The following DDX19B variants were observed in gnomAD, a reference collection of about 807,000 sequenced individuals.
DDX19B encodes the protein ATP-dependent RNA helicase DDX19B.
Under a neutral mutation model 58.1 loss-of-function variants are expected in DDX19B, and 27 were observed. The observed-to-expected ratio is 0.46, with a 90% confidence interval of 0.34 to 0.64. DDX19B has a LOEUF of 0.64. Among genes scored for constraint, DDX19B ranks in the 30% least tolerant of loss-of-function variants. DDX19B has a pLI of 0.01. For missense variants in DDX19B, 399 were observed against 596.5 expected, an observed-to-expected ratio of 0.67 and a Z score of 3.45; for synonymous variants, 187 against 214.4, an observed-to-expected ratio of 0.87 and a Z score of 1.12.
intron 1 of DDX19B, among the ~76,000 whole-genome samples, chr16:70,308,255 T>C (rs1250360071): frequency 6.7e-6 from 1 of 148,892 alleles, no homozygotes; most frequent in African/African-American, 2.5e-5. Context: ...ACCCGGTCTA[T>C]TTATTTATTT....
intron 1 of DDX19B, among the ~76,000 whole-genome samples, chr16:70,307,436 C>T (rs1961815017): frequency 1.3e-5 from 2 of 152,018 alleles, no homozygotes; most frequent in African/African-American, 4.8e-5. Context: ...CATCTCGGCT[C>T]ACTGCAACCT....
chr16:70,327,090 T>A lies in DDX19B; in HGVS notation c.607+1402T>A, dbSNP rs191518756. Among the ~76,000 whole-genome samples the A allele has an allele frequency of 5.1e-3, 778 of 151,872 alleles. 4 individuals carry two copies. The highest frequency in any genetic ancestry group is 7.8e-3 in the Non-Finnish European group (529 of 67,916). On this transcript the variant is annotated intron_variant, in intron 7 of 11. Transcript: ENST00000288071. ...ACCTCGTGATCCTCCCGCCTTGGCCTCCCAAAGTGCTGGGATTACAGGCGT... is the reference window on the plus strand; with the variant it reads ...ACCTCGTGATCCTCCCGCCTTGGCCACCCAAAGTGCTGGGATTACAGGCGT...
chr16:70,294,886 G>C (rs1478705566), upstream of DDX19B: 17 of 1,526,824 alleles, frequency 1.1e-5, no homozygotes, highest in Admixed American at 3.3e-4. Context: ...CGCGCCCTGC[G>C]GCGGTTTCCC....
rs1481673071 is a variant in DDX19B at position 70,335,061 on chromosome 16, G to A, written c.*1479G>A. Reference sequence around the variant, plus strand: ...GGAAGGGGCCAATGTCAGCCTCCAGGTGATTTCTTTAATCTGACATTACAA... The same window carrying A: ...GGAAGGGGCCAATGTCAGCCTCCAGATGATTTCTTTAATCTGACATTACAA... On this transcript the variant is annotated 3_prime_UTR_variant, in exon 12 of 12. Coordinates refer to ENST00000288071, the MANE Select transcript of DDX19B (RefSeq NM_007242.7). 1.3e-5 allele frequency: 2 copies of A among 152,182 alleles called. No individual in the cohort carries two copies. The highest frequency in any genetic ancestry group is 2.9e-5 in the Non-Finnish European group (2 of 68,068). The allele number at this position is 152,182 out of a possible 1,614,324, so 9.4% of individuals were successfully genotyped here.
rs1963098515 is a variant in DDX19B, at chr16:70,325,573, GTGTCTA to G, written c.498_503del (p.Cys167_Leu168del). 1.1e-5 allele frequency: 18 copies of G among 1,607,902 alleles called. No individual in the cohort carries two copies. Among genetic ancestry groups the G allele is most frequent in the Non-Finnish European group, 1.5e-5 (18 of 1,176,652 alleles). On this transcript the variant is annotated inframe_deletion and splice_region_variant, in exon 7 of 12. Coordinates refer to ENST00000288071, the MANE Select transcript of DDX19B (RefSeq NM_007242.7). ...TGCACTCTGCATTCTTTTCCTGCCA[GTGTCTA>G]TGTCTCTCCCCAACGTATGAGCTCG...
Position 70,299,323 on chromosome 16 carries a change from C to T in DDX19B, c.26C>T (p.Ala9Val), listed in dbSNP as rs556766234. The T allele has an allele frequency of 1.9e-6, 3 of 1,607,300 alleles. No homozygotes were observed. Among genetic ancestry groups the T allele is most frequent in the Non-Finnish European group, 2.5e-6 (3 of 1,177,390 alleles). MATDSWAL[A>V]VDEQEAAAES... ...ATGGCCACTGACTCATGGGCCCTGG[C>T]GGTGGACGAGCAGGAAGCTGCGGCT... The change falls in exon 1 of 12, where the codon GCG becomes GTG. Residue 9 changes from alanine to valine, a missense_variant. Coordinates refer to ENST00000288071, the MANE Select transcript of DDX19B (RefSeq NM_007242.7).
Position 70,317,502 on chromosome 16 carries a change from A to G in DDX19B, c.303A>G (p.Pro101=), listed in dbSNP as rs747813125. Residue 101 remains proline (P), a synonymous_variant, in exon 5 of 12, where the codon CCA becomes CCG. Transcript: ENST00000288071. The part of the protein sequence containing the change: ...VKSFEELRLK[P]QLLQGVYAMG... ...TCTTTAACTGTTTTTCTAGGAAACC[A>G]CAGCTTCTCCAAGGAGTCTATGCCA... The G allele has an allele frequency of 6.8e-6, 11 of 1,611,560 alleles. No individual in the cohort carries two copies. Among genetic ancestry groups the G allele is most frequent in the Non-Finnish European group, 9.3e-6 (11 of 1,178,926 alleles).
chr16:70,313,805 A>C (rs898587725), intron 2 of DDX19B, among the ~76,000 whole-genome samples: 8 of 152,132 alleles, frequency 5.3e-5, no homozygotes, highest in Admixed American at 6.6e-5. Context: ...TTCGACTATA[A>C]ATTTATATTA....
chr16:70,328,710 A>C (rs1179191829), intron 7 of DDX19B, among the ~76,000 whole-genome samples: 1 of 152,042 alleles, frequency 6.6e-6, no homozygotes, highest in Non-Finnish European at 1.5e-5. Flanking sequence ...TGTAGTCACC[A>C]CATTGTGCTA....
chr16:70,319,160 T>A (rs916444437), intron 5 of DDX19B, among the ~76,000 whole-genome samples: 2 of 152,206 alleles, frequency 1.3e-5, no homozygotes, highest in African/African-American at 2.4e-5. Context: ...CTGTGTTTTT[T>A]AATTATATGA....
chr16:70,312,420 ATT>A (rs1252409327), intron 1 of DDX19B, among the ~76,000 whole-genome samples, 187 bp from the exon 2 acceptor site: 1 of 152,146 alleles, frequency 6.6e-6, no homozygotes, highest in African/African-American at 2.4e-5. Flanking sequence ...CCACCGATGT[ATT>A]TACGGGAAAT....
At position 70,333,790 on chromosome 16, in the gene DDX19B, A is replaced by G; in HGVS notation, c.*208A>G. The G allele has an allele frequency of 1.4e-6, 1 of 698,080 alleles. No individual in the cohort carries two copies. Among genetic ancestry groups the G allele is most frequent in the Non-Finnish European group, 2.4e-6 (1 of 411,306 alleles). The allele number at this position is 698,080 out of a possible 1,614,324, so 43.2% of individuals were successfully genotyped here. On this transcript the variant is annotated 3_prime_UTR_variant, in exon 12 of 12. Transcript: ENST00000288071. ...AAAAAAATTATTTACACAACCTTGG[A>G]AGATTAGGCATGAATACACAGAGAT... is the stretch of plus-strand genomic sequence containing the variant.
chr16:70,299,439 A>G, intron 1 of DDX19B, 85 bp downstream of exon 1: 2 of 1,445,892 alleles, frequency 1.4e-6, no homozygotes, highest in Non-Finnish European at 1.9e-6. Flanking sequence ...TCCCAGGTTG[A>G]TTAGAGGCTG....
chr16:70,322,231 A>T (rs1366223261), intron 5 of DDX19B, among the ~76,000 whole-genome samples: 3 of 152,094 alleles, frequency 2.0e-5, no homozygotes, highest in Non-Finnish European at 4.4e-5. Flanking sequence ...CTTTATTCTA[A>T]CTACAAGGGG....
At chr16:70,294,924 A>G, upstream of DDX19B, 2 of 1,520,632 alleles carry the variant, frequency 1.3e-6, no homozygotes. Context: ...CGACGTGAGT[A>G]TCTGCGAGGG....
chr16:70,303,382 C>A (rs1049166824), intron 1 of DDX19B, among the ~76,000 whole-genome samples: 1 of 152,142 alleles, frequency 6.6e-6, no homozygotes. Flanking sequence ...CACCTGGGTT[C>A]AAGCAATCCG....
In DDX19B at chr16:70,329,828, C is replaced by T; in HGVS notation, c.786-3C>T. On this transcript the variant is annotated splice_polypyrimidine_tract_variant and splice_region_variant and intron_variant, in intron 8 of 11. Transcript: ENST00000288071. Reference sequence around the variant, plus strand: ...GGCCACCTACCAGGGCCTTCCCTTGCAGGATGCTGCCCAGGAACTGCCAGA... The same window carrying T: ...GGCCACCTACCAGGGCCTTCCCTTGTAGGATGCTGCCCAGGAACTGCCAGA... 1.2e-6 allele frequency: 2 copies of T among 1,614,120 alleles called. No homozygotes were observed. The highest frequency in any genetic ancestry group is 3.3e-5 in the Admixed American group (2 of 60,016).
At chr16:70,320,289 A>G (rs965707143) in intron 5 of DDX19B, among the ~76,000 whole-genome samples, 1 of 150,298 alleles carries the variant, frequency 6.7e-6, no homozygotes, top group Admixed American at 6.7e-5. Flanking sequence ...TCTTTATTTA[A>G]TAGAGATGGG....
At chr16:70,324,945 G>A (rs535637343) in intron 6 of DDX19B, among the ~76,000 whole-genome samples, 15 of 152,262 alleles carry the variant, frequency 9.9e-5, no homozygotes, top group African/African-American at 3.6e-4. Flanking sequence ...CAGCTACTTG[G>A]GAAACTGAGG....
Sources: allele counts gnomAD v4.1 joint callset (sites outside exome capture counted in the v4.1 genomes callset), GRCh38; gene constraint gnomAD v4.1.1; transcripts MANE v1.5; gene names NCBI Gene and HGNC (gene_info 2026-07-23, HGNC 2026-07-21).